The following CEP63 variants were observed in gnomAD, a reference collection of about 807,000 sequenced individuals.
The protein encoded by CEP63 is centrosomal protein 63.
CEP63 carries 84 observed loss-of-function variants against 89.1 expected under a neutral mutation model. That is an observed-to-expected ratio of 0.94 (90% confidence interval 0.79 to 1.13). CEP63 has a LOEUF of 1.13. Ranked by LOEUF, CEP63 falls within the 50% of genes most tolerant of loss-of-function variation. The probability of loss-of-function intolerance (pLI) is 0.00; values close to 1 mark genes in which losing one functional copy is unlikely to be tolerated. For missense variants in CEP63, 838 were observed against 813.3 expected, an observed-to-expected ratio of 1.03 and a Z score of -0.37; for synonymous variants, 267 against 272.5, an observed-to-expected ratio of 0.98 and a Z score of 0.20.
the CEP63 span, among the ~76,000 whole-genome samples, chr3:134,781,149 G>T: frequency 6.6e-6 from 1 of 152,076 alleles, no homozygotes; most frequent in African/African-American, 2.4e-5. Flanking sequence ...AGCTGATAAG[G>T]CAAAGCCTTC....
chr3:134,607,476 G>A, the CEP63 span: 1 of 985,652 alleles, frequency 1.0e-6, no homozygotes, highest in Non-Finnish European at 1.2e-6. Context: ...GTCCTGGGCG[G>A]ATGGAGGCCC....
the CEP63 span, among the ~76,000 whole-genome samples, chr3:134,747,322 G>A: frequency 6.6e-6 from 1 of 152,182 alleles, no homozygotes; most frequent in Non-Finnish European, 1.5e-5. Context: ...TTTGGTTACT[G>A]TAGCCTTGTT....
the CEP63 span, among the ~76,000 whole-genome samples, chr3:134,693,879 A>G: frequency 6.6e-6 from 1 of 152,204 alleles, no homozygotes; most frequent in Non-Finnish European, 1.5e-5. Flanking sequence ...TTCAGGGTCC[A>G]TGTCTTCCTG....
At chr3:134,514,488 A>G (rs1220027387) in intron 3 of CEP63, among the ~76,000 whole-genome samples, 1 of 152,212 alleles carries the variant, frequency 6.6e-6, no homozygotes, top group African/African-American at 2.4e-5. Context: ...CTCAAGCAAG[A>G]TAAGTAAAAA....
chr3:134,644,789 C>T, the CEP63 span, among the ~76,000 whole-genome samples: 1 of 152,234 alleles, frequency 6.6e-6, no homozygotes, highest in African/African-American at 2.4e-5. Context: ...TTGTGATCCA[C>T]CTGACAGAGT....
the CEP63 span, among the ~76,000 whole-genome samples, chr3:134,631,002 A>G: frequency 1.3e-5 from 2 of 152,260 alleles, no homozygotes; most frequent in African/African-American, 2.4e-5. Flanking sequence ...AATGACAGAG[A>G]ACACAGTCAG....
At chr3:134,587,435 C>T (rs189712362) in intron 10 of CEP63, among the ~76,000 whole-genome samples, 1 of 152,180 alleles carries the variant, frequency 6.6e-6, no homozygotes, top group East Asian at 1.9e-4. Context: ...ATTAGTTTTC[C>T]TTCTAACAGT....
chr3:134,540,764 ATTTTTT>A (rs58341628), intron 6 of CEP63, among the ~76,000 whole-genome samples: 4 of 133,394 alleles, frequency 3.0e-5, no homozygotes, highest in South Asian at 2.4e-4. Context: ...TTGTTTTAGG[ATTTTTT>A]TTTTTTTTTT....
chr3:134,593,905 G>A, the CEP63 span, among the ~76,000 whole-genome samples: 1 of 152,144 alleles, frequency 6.6e-6, no homozygotes. Context: ...AAGGGGATCT[G>A]ATACTCATGA....
At chr3:134,614,193 A>G in the CEP63 span, among the ~76,000 whole-genome samples, 2 of 152,178 alleles carry the variant, frequency 1.3e-5, no homozygotes, top group African/African-American at 4.8e-5. Context: ...AGGAGCTGAG[A>G]GAGCACGGAA....
chr3:134,512,777 ATCCT>A (rs1332706946), intron 3 of CEP63, among the ~76,000 whole-genome samples: 1 of 152,168 alleles, frequency 6.6e-6, no homozygotes, highest in Non-Finnish European at 1.5e-5. Context: ...TCATCCCCTC[ATCCT>A]TCCAGGAGTG....
At chr3:134,700,636 A>C in the CEP63 span, among the ~76,000 whole-genome samples, 4 of 152,066 alleles carry the variant, frequency 2.6e-5, no homozygotes, top group Non-Finnish European at 5.9e-5. Context: ...CTCCTCCATC[A>C]CACAGACATT....
downstream of CEP63, among the ~76,000 whole-genome samples, chr3:134,578,322 GTTTTTTT>G (rs71139542): frequency 6.3e-4 from 39 of 62,104 alleles, no homozygotes; most frequent in East Asian, 0.016. Flanking sequence ...TCTGACTTGT[GTTTTTTT>G]TTTTTTTTTT....
the CEP63 span, among the ~76,000 whole-genome samples, chr3:134,752,416 G>A: frequency 6.6e-6 from 1 of 152,160 alleles, no homozygotes; most frequent in Non-Finnish European, 1.5e-5. Context: ...GTCAAGGAGA[G>A]GGAAGCCCGA....
chr3:134,499,150 A>G (rs778937774), intron 2 of CEP63, among the ~76,000 whole-genome samples: 1 of 152,208 alleles, frequency 6.6e-6, no homozygotes, highest in Non-Finnish European at 1.5e-5. Context: ...TTCAGCAGTA[A>G]TGCCATCAGG....
the CEP63 span, among the ~76,000 whole-genome samples, chr3:134,762,047 T>A: frequency 3.4e-4 from 52 of 152,266 alleles, no homozygotes; most frequent in African/African-American, 1.2e-3. Context: ...TAAGAAACCT[T>A]GACATCAATC....
At chr3:134,593,424 A>G in the CEP63 span, among the ~76,000 whole-genome samples, 1 of 152,196 alleles carries the variant, frequency 6.6e-6, no homozygotes. Flanking sequence ...ATGAGGAAAC[A>G]AAAACAGGGA....
At chr3:134,492,070 C>CTTTTTTTTTTTTTTTTTTTTTTTT (rs74269453) in intron 1 of CEP63, among the ~76,000 whole-genome samples, 1 of 103,682 alleles carries the variant, frequency 9.6e-6, no homozygotes, top group African/African-American at 3.7e-5. Flanking sequence ...TATTTGTATT[C>CTTTTTTTTTTTTTTTTTTTTTTTT]TTTTTTTTTT....
chr3:134,505,111 A>C (rs1943122731), intron 2 of CEP63, among the ~76,000 whole-genome samples: 2 of 151,972 alleles, frequency 1.3e-5, no homozygotes, highest in Admixed American at 6.5e-5. Context: ...CATTTCATAC[A>C]TTTCCTTTTC....
Sources: allele counts gnomAD v4.1 joint callset (sites outside exome capture counted in the v4.1 genomes callset), GRCh38; gene constraint gnomAD v4.1.1; transcripts MANE v1.5; gene names NCBI Gene and HGNC (gene_info 2026-07-23, HGNC 2026-07-21).